The following INPP4A variants were observed in gnomAD, a reference collection of about 807,000 sequenced individuals.
INPP4A encodes inositol polyphosphate-4-phosphatase, type I, 107kD.
INPP4A carries 33 observed loss-of-function variants against 119.8 expected under a neutral mutation model. The observed-to-expected ratio is 0.28, with a 90% CI of 0.21 to 0.37. The LOEUF (loss-of-function observed/expected upper bound fraction) is 0.37. Ranked by LOEUF, INPP4A falls within the 10% of genes least tolerant of loss-of-function variation. The probability of loss-of-function intolerance (pLI) is 1.00; values close to 1 mark genes in which losing one functional copy is unlikely to be tolerated. For synonymous variants in INPP4A, 496 were observed against 500.7 expected, an observed-to-expected ratio of 0.99 and a Z score of 0.12; for missense variants, 956 against 1,289.9, an observed-to-expected ratio of 0.74 and a Z score of 3.97.
chr2:98,515,845 C>T (rs942402571), intron 1 of INPP4A, among the ~76,000 whole-genome samples: 4 of 152,178 alleles, frequency 2.6e-5, no homozygotes, highest in Non-Finnish European at 4.4e-5. Context: ...TCTCCACCAC[C>T]CCTTTCCCTG....
chr2:98,544,065 TCTCA>T (rs1181652357), intron 11 of INPP4A, 58 bp downstream of exon 11: 3 of 1,303,664 alleles, frequency 2.3e-6, no homozygotes, highest in East Asian at 2.6e-5. Flanking sequence ...ACACACACAC[TCTCA>T]CTCTCACTCA....
chr2:98,462,379 C>G (rs1175040478), intron 1 of INPP4A, among the ~76,000 whole-genome samples: 1 of 152,140 alleles, frequency 6.6e-6, no homozygotes, highest in Non-Finnish European at 1.5e-5. Context: ...ACCCGGGAGG[C>G]AGAGGTTGCA....
intron 13 of INPP4A, among the ~76,000 whole-genome samples, chr2:98,552,187 G>A (rs1179604868): frequency 6.6e-6 from 1 of 152,154 alleles, no homozygotes; most frequent in African/African-American, 2.4e-5. Flanking sequence ...TTTCAAAGTA[G>A]GGAAGTCCTG....
At chr2:98,528,195 G>A (rs1303068510) in intron 4 of INPP4A, among the ~76,000 whole-genome samples, 1 of 152,152 alleles carries the variant, frequency 6.6e-6, no homozygotes, top group East Asian at 1.9e-4. Flanking sequence ...GACTTGAAGA[G>A]ATAGAAACTA....
rs1696539798 is a variant in INPP4A at position 98,566,785 on chromosome 2, G to A, written c.2420+616G>A. On this transcript the variant is annotated intron_variant, in intron 21 of 24. Coordinates refer to ENST00000409851, the MANE Select transcript of INPP4A (RefSeq NM_001134225.2). This position sits in a 1 kb window ranked among gnomAD's most constrained non-coding sequence, Gnocchi z 4.2. Reference sequence around the variant, plus strand: ...CGTGTGCCTGTGTGCGCACATGTGTGTGAGGAGATAGGGTAGATTGGGTAT... The same window carrying A: ...CGTGTGCCTGTGTGCGCACATGTGTATGAGGAGATAGGGTAGATTGGGTAT... Among the ~76,000 whole-genome samples, 1 of 152,238 alleles carries A rather than the reference G, an allele frequency of 6.6e-6. No individual in the cohort carries two copies. Among genetic ancestry groups the A allele is most frequent in the Non-Finnish European group, 1.5e-5 (1 of 68,038 alleles).
At chr2:98,545,940 C>T (rs1692404054) in intron 11 of INPP4A, 29 bp from the exon 12 acceptor site, 4 of 1,490,812 alleles carry the variant, frequency 2.7e-6, no homozygotes, top group South Asian at 2.5e-5. Context: ...ATGCTGATGG[C>T]CTTTATCTTC....
intron 1 of INPP4A, among the ~76,000 whole-genome samples, chr2:98,469,264 C>G (rs1056426620): frequency 6.6e-6 from 1 of 152,010 alleles, no homozygotes; most frequent in Non-Finnish European, 1.5e-5. Context: ...TTTGGGAGGC[C>G]GAGGTGGGTA....
chr2:98,466,510 T>A (rs1225234844), intron 1 of INPP4A, among the ~76,000 whole-genome samples: 1 of 152,266 alleles, frequency 6.6e-6, no homozygotes, highest in Non-Finnish European at 1.5e-5. Context: ...ATGCAGCACT[T>A]CATTTAATCC....
intron 1 of INPP4A, among the ~76,000 whole-genome samples, chr2:98,490,704 A>AC (rs1680542710): frequency 6.6e-6 from 1 of 152,058 alleles, no homozygotes; most frequent in African/African-American, 2.4e-5. Context: ...TAGAATTGCC[A>AC]CCCACCTGTG....
chr2:98,559,045 C>T (rs1161017873), intron 16 of INPP4A, among the ~76,000 whole-genome samples: 5 of 152,204 alleles, frequency 3.3e-5, no homozygotes, highest in Non-Finnish European at 4.4e-5. Context: ...TGGAACACGC[C>T]GTGTACTGGT....
chr2:98,538,798 T>C, intron 8 of INPP4A, 93 bp from the exon 9 acceptor site: 1 of 729,290 alleles, frequency 1.4e-6, no homozygotes. Flanking sequence ...TTAAGACTTC[T>C]GTTATGATGT....
intron 13 of INPP4A, among the ~76,000 whole-genome samples, chr2:98,549,349 A>C (rs1458076356): frequency 6.6e-6 from 1 of 152,154 alleles, no homozygotes; most frequent in East Asian, 1.9e-4. Flanking sequence ...GTGGCTTTTC[A>C]GTTTTCACTT....
intron 13 of INPP4A, among the ~76,000 whole-genome samples, chr2:98,550,472 C>T (rs1316688423): frequency 1.3e-5 from 2 of 152,216 alleles, no homozygotes; most frequent in African/African-American, 2.4e-5. Context: ...AGACTCCACC[C>T]TTACGCTCTC....
intron 11 of INPP4A, among the ~76,000 whole-genome samples, chr2:98,545,123 C>T (rs1692240077): frequency 6.6e-6 from 1 of 152,060 alleles, no homozygotes; most frequent in African/African-American, 2.4e-5. Flanking sequence ...TGGACTGCAC[C>T]CTACGTATCA....
intron 1 of INPP4A, among the ~76,000 whole-genome samples, chr2:98,448,548 T>C (rs1028007050): frequency 6.6e-6 from 1 of 152,150 alleles, no homozygotes; most frequent in African/African-American, 2.4e-5. Flanking sequence ...GTCTTTCTTT[T>C]GTATTTCACG....
Position 98,535,551 on chromosome 2 carries a change from AAGC to A in INPP4A, c.271-175_271-173del, listed in dbSNP as rs200621443. Among the ~76,000 whole-genome samples, 993 of 152,292 alleles carry A rather than the reference AAGC, an allele frequency of 6.5e-3. 16 individuals are homozygous for A. The highest frequency in any genetic ancestry group is 0.022 in the African/African-American group (929 of 41,540). ...TCAGACTTCTTTTTTCTCTTTTAAA[AAGC>A]AGAGTTTTTTTGTTTGTTTGTTTTA... On this transcript the variant is annotated intron_variant, in intron 5 of 24. Transcript: ENST00000409851.
chr2:98,472,629 C>T (rs1201333115), intron 1 of INPP4A, among the ~76,000 whole-genome samples: 1 of 152,232 alleles, frequency 6.6e-6, no homozygotes, highest in Non-Finnish European at 1.5e-5. Flanking sequence ...ATGTCTGTGT[C>T]CCCTCCCCTA....
chr2:98,546,539 C>T lies in INPP4A; in HGVS notation c.1055-47C>T. 7.1e-7 allele frequency: 1 copy of T among 1,409,032 alleles called. No homozygotes were observed. Among genetic ancestry groups the T allele is most frequent in the South Asian group, 1.2e-5 (1 of 85,068 alleles). 87.3% of individuals were successfully genotyped at this position (1,409,032 alleles called of 1,614,324 possible). A position where few individuals can be genotyped will look rare whatever the true frequency, so the allele number is the denominator to read the frequency against. On this transcript the variant is annotated intron_variant, in intron 12 of 24. Transcript: ENST00000409851. The surrounding 1 kb of genome is among the most constrained non-coding windows in gnomAD (Gnocchi z 4.2). ...TGCATATCCCTATAGCTGGCTTGTC[C>T]ACAGGCCTGAGCCCAGAGTAATGGA...
At chr2:98,492,578 GAGAGAGCGGGGCTCT>G (rs1681051115) in intron 1 of INPP4A, among the ~76,000 whole-genome samples, 1 of 152,226 alleles carries the variant, frequency 6.6e-6, no homozygotes, top group African/African-American at 2.4e-5. Context: ...TCAAAGGGGT[GAGAGAGCGGGGCTCT>G]AGAGACCTGG....
Sources: allele counts gnomAD v4.1 joint callset (sites outside exome capture counted in the v4.1 genomes callset), GRCh38; gene constraint gnomAD v4.1.1; non-coding constraint Gnocchi (gnomAD v3.1); transcripts MANE v1.5; gene names NCBI Gene and HGNC (gene_info 2026-07-23, HGNC 2026-07-21).